SHROOM3: variants seen among roughly 807,000 people sequenced by gnomAD.
SHROOM3 encodes shroom family member 3.
SHROOM3 carries 47 observed loss-of-function variants against 138.6 expected under a neutral mutation model. That is an observed-to-expected ratio of 0.34 (90% CI 0.27 to 0.43). SHROOM3 has a LOEUF of 0.43. Ranked by LOEUF, SHROOM3 falls within the 20% of genes least tolerant of loss-of-function variation. SHROOM3 has a pLI of 1.00. For synonymous variants in SHROOM3, 1,062 were observed against 1,063.3 expected (o/e 1.00, Z 0.02); for missense variants, 2,491 against 2,596.5 (o/e 0.96, Z 0.88).
chr4:76,721,991 A>T (rs10022580), intron 3 of SHROOM3, among the ~76,000 whole-genome samples: 62,151 of 151,884 alleles, frequency 0.41, 13,801 homozygotes, highest in African/African-American at 0.57. Context: ...TTTCATAAGC[A>T]AGGCATAGGG....
chr4:76,499,514 A>G (rs556633805), intron 1 of SHROOM3, among the ~76,000 whole-genome samples: 2 of 152,376 alleles, frequency 1.3e-5, no homozygotes, highest in South Asian at 4.1e-4. Flanking sequence ...TGAAATTCCA[A>G]TATAATTCAG....
intron 3 of SHROOM3, among the ~76,000 whole-genome samples, chr4:76,721,268 G>A (rs887079458): frequency 6.6e-6 from 1 of 150,614 alleles, no homozygotes; most frequent in Non-Finnish European, 1.5e-5. Context: ...CCGAGATCCC[G>A]CCACTGCACT....
At chr4:76,469,138 T>C (rs1731312516) in intron 1 of SHROOM3, among the ~76,000 whole-genome samples, 1 of 151,940 alleles carries the variant, frequency 6.6e-6, no homozygotes, top group Admixed American at 6.6e-5. Context: ...GGAGGCGGAA[T>C]TGCAGTGAAC....
chr4:76,762,518 G>A (rs1722019166), intron 9 of SHROOM3, among the ~76,000 whole-genome samples: 1 of 152,206 alleles, frequency 6.6e-6, no homozygotes, highest in South Asian at 2.1e-4. Flanking sequence ...TGGCTCTTCA[G>A]GGATAAAGAA....
At chr4:76,479,481 G>T (rs570267275) in intron 1 of SHROOM3, among the ~76,000 whole-genome samples, 1 of 152,242 alleles carries the variant, frequency 6.6e-6, no homozygotes, top group Admixed American at 6.5e-5. Flanking sequence ...AGGGGACTAT[G>T]TGGAAAGACC....
intron 1 of SHROOM3, among the ~76,000 whole-genome samples, chr4:76,436,473 G>A (rs1044273955): frequency 5.9e-5 from 9 of 152,048 alleles, no homozygotes; most frequent in Non-Finnish European, 1.2e-4. Flanking sequence ...GAATGAAATC[G>A]CATACAATCA....
chr4:76,741,937 C>A lies in SHROOM3; in HGVS notation c.3753+11C>A. 1.2e-6 allele frequency: 2 copies of A among 1,611,390 alleles called. No individual in the cohort carries two copies. The highest frequency in any genetic ancestry group is 1.7e-6 in the Non-Finnish European group (2 of 1,179,614). ...GCAGACAAGCGCCAGGTACGTGCAA[C>A]CAGCAAGTCCTGGCCTCGAACTGTC... On this transcript the variant is annotated intron_variant, in intron 5 of 10. Transcript: ENST00000296043. The surrounding 1 kb of genome is among the most constrained non-coding windows in gnomAD (Gnocchi z 6.2).
intron 5 of SHROOM3, among the ~76,000 whole-genome samples, chr4:76,746,517 T>C (rs1404931908): frequency 3.3e-5 from 5 of 152,316 alleles, no homozygotes; most frequent in East Asian, 3.9e-4. Flanking sequence ...ATCTAGTTTC[T>C]GTAAGCACAC....
intron 2 of SHROOM3, among the ~76,000 whole-genome samples, chr4:76,649,133 GA>G (rs1474367795): frequency 6.6e-6 from 1 of 152,100 alleles, no homozygotes; most frequent in Non-Finnish European, 1.5e-5. Flanking sequence ...TTTGCTGGGG[GA>G]TGAATCCACC....
At chr4:76,440,140 C>G (rs1730640225) in intron 1 of SHROOM3, among the ~76,000 whole-genome samples, 1 of 152,248 alleles carries the variant, frequency 6.6e-6, no homozygotes, top group African/African-American at 2.4e-5. Flanking sequence ...ACAACAGCAG[C>G]AACTGCCGGT....
chr4:76,643,115 G>A (rs553143781), intron 2 of SHROOM3, among the ~76,000 whole-genome samples: 5 of 151,702 alleles, frequency 3.3e-5, no homozygotes, highest in African/African-American at 9.7e-5. Flanking sequence ...TACAGTAGCT[G>A]AGGCAGGAGA....
At chr4:76,693,377 T>TGTTTTTTG (rs1268002151) in intron 2 of SHROOM3, among the ~76,000 whole-genome samples, 1 of 125,990 alleles carries the variant, frequency 7.9e-6, no homozygotes, top group African/African-American at 3.3e-5. Context: ...TTTGTTTTTT[T>TGTTTTTTG]TTTTTTTTTT....
intron 1 of SHROOM3, among the ~76,000 whole-genome samples, chr4:76,551,870 ATTT>A (rs201077454): frequency 0.015 from 2,223 of 150,698 alleles, 30 homozygotes; most frequent in South Asian, 0.023. Context: ...TATTATTATT[ATTT>A]TTTTTTGAGA....
chr4:76,780,613 T>A lies in SHROOM3; in HGVS notation c.*1436T>A, dbSNP rs894041073. 2 of 152,150 alleles carry A rather than the reference T, an allele frequency of 1.3e-5. No homozygotes were observed. The highest frequency in any genetic ancestry group is 2.4e-5 in the African/African-American group (1 of 41,446). 9.4% of individuals were successfully genotyped at this position (152,150 alleles called of 1,614,324 possible). A position where few individuals can be genotyped will look rare whatever the true frequency, so the allele number is the denominator to read the frequency against. Reference sequence around the variant, plus strand: ...ATTTTCATTACTTAATGAAGTTTTATCTCCTATGTAAGAATATCAAAATTG... The same window carrying A: ...ATTTTCATTACTTAATGAAGTTTTAACTCCTATGTAAGAATATCAAAATTG... On this transcript the variant is annotated 3_prime_UTR_variant, in exon 11 of 11. Coordinates refer to ENST00000296043, the MANE Select transcript of SHROOM3 (RefSeq NM_020859.4).
chr4:76,470,981 C>T (rs954071424), intron 1 of SHROOM3, among the ~76,000 whole-genome samples: 1 of 151,918 alleles, frequency 6.6e-6, no homozygotes, highest in African/African-American at 2.4e-5. Context: ...AAAGCTGGTA[C>T]AAAAATTAGG....
At chr4:76,578,517 C>T (rs1733982658) in intron 2 of SHROOM3, among the ~76,000 whole-genome samples, 1 of 152,128 alleles carries the variant, frequency 6.6e-6, no homozygotes, top group African/African-American at 2.4e-5. Flanking sequence ...TTTGGTTGTA[C>T]CTTACTTATT....
At chr4:76,516,719 A>G (rs912949423) in intron 1 of SHROOM3, among the ~76,000 whole-genome samples, 1 of 152,086 alleles carries the variant, frequency 6.6e-6, no homozygotes, top group Non-Finnish European at 1.5e-5. Context: ...CAATAACTAC[A>G]CTTAAGTTGG....
intron 2 of SHROOM3, among the ~76,000 whole-genome samples, chr4:76,567,876 G>A (rs1241794292): frequency 1.3e-5 from 2 of 151,576 alleles, no homozygotes; most frequent in African/African-American, 4.9e-5. Context: ...TTTTACTGGT[G>A]GTTACATGGT....
intron 1 of SHROOM3, among the ~76,000 whole-genome samples, chr4:76,462,842 G>A (rs1220304734): frequency 6.6e-6 from 1 of 151,840 alleles, no homozygotes; most frequent in Non-Finnish European, 1.5e-5. Context: ...ATTTCCTGAG[G>A]CCGCCCAGCC....
Sources: allele counts gnomAD v4.1 joint callset (sites outside exome capture counted in the v4.1 genomes callset), GRCh38; gene constraint gnomAD v4.1.1; non-coding constraint Gnocchi (gnomAD v3.1); transcripts MANE v1.5; gene names NCBI Gene and HGNC (gene_info 2026-07-23, HGNC 2026-07-21).